Variants in CYP39A1 observed in about 807,000 individuals in gnomAD.
The protein encoded by CYP39A1 is cytochrome P450 family 39 subfamily A member 1, also known as 24-hydroxycholesterol 7-alpha-hydroxylase.
Under a neutral mutation model 58.1 loss-of-function variants are expected in CYP39A1, and 49 were observed. The ratio of observed to expected loss-of-function variants is 0.84; its 90% CI spans 0.67 to 1.07. The LOEUF (loss-of-function observed/expected upper bound fraction) is 1.07. Among genes scored for constraint, CYP39A1 ranks in the 50% least tolerant of loss-of-function variants. CYP39A1 has a pLI of 0.00. For synonymous variants in CYP39A1, 209 were observed against 187.6 expected (o/e 1.11, Z -0.93); for missense variants, 531 against 539.4 (o/e 0.98, Z 0.16).
intron 7 of CYP39A1, among the ~76,000 whole-genome samples, chr6:46,613,261 G>A (rs1313618858): frequency 1.3e-5 from 2 of 152,164 alleles, no homozygotes. Flanking sequence ...CCATCCCACA[G>A]TGTTGGTATA....
intron 10 of CYP39A1, among the ~76,000 whole-genome samples, chr6:46,557,933 C>CAAAAAAAAAAAAAAAAAAAAAAAAAA (rs1186594398): frequency 2.7e-5 from 1 of 37,642 alleles, no homozygotes; most frequent in African/African-American, 9.9e-5. Flanking sequence ...GACTCCATCT[C>CAAAAAAAAAAAAAAAAAAAAAAAAAA]AAAAAAAAAA....
Position 46,652,579 on chromosome 6 carries a change from C to T in CYP39A1, c.4G>A (p.Glu2Lys), listed in dbSNP as rs372520848. M[E>K]LISPTVIIIL... ...ATAATCACTGTTGGGGAAATTAGTT[C>T]CATGTTTTTGTCCAGCACCTTCCAG... The change falls in exon 1 of 12, where the codon GAA becomes AAA. Residue 2 changes from glutamate (E) to lysine (K), a missense_variant. Physicochemically the swap from Glu to Lys is moderately conservative, Grantham distance 56 (BLOSUM62 1). Coordinates refer to ENST00000275016, the MANE Select transcript of CYP39A1 (RefSeq NM_016593.5). 3.9e-5 allele frequency: 62 copies of T among 1,599,990 alleles called. No individual in the cohort carries two copies. The highest frequency in any genetic ancestry group is 5.3e-5 in the Non-Finnish European group (62 of 1,173,938).
At chr6:46,627,073 T>C (rs139377800) in intron 6 of CYP39A1, among the ~76,000 whole-genome samples, 18 of 152,186 alleles carry the variant, frequency 1.2e-4, no homozygotes, top group Admixed American at 6.5e-4. Context: ...TCTTACACGG[T>C]GGCAGAAGAA....
chr6:46,627,656 G>GAA (rs1377560860), intron 6 of CYP39A1, among the ~76,000 whole-genome samples: 1 of 151,898 alleles, frequency 6.6e-6, no homozygotes, highest in Non-Finnish European at 1.5e-5. Context: ...CTGACCTTGT[G>GAA]ATCCGCCCGC....
chr6:46,603,685 C>T (rs1773655067), intron 7 of CYP39A1, among the ~76,000 whole-genome samples: 1 of 152,218 alleles, frequency 6.6e-6, no homozygotes, highest in Admixed American at 6.5e-5. Flanking sequence ...CTGTCTCAGA[C>T]ACTTTTTGGT....
At chr6:46,635,429 A>G (rs1036323894) in intron 5 of CYP39A1, among the ~76,000 whole-genome samples, 2 of 152,208 alleles carry the variant, frequency 1.3e-5, no homozygotes, top group Non-Finnish European at 2.9e-5. Context: ...GGCCTCAGAC[A>G]GTTTTCAAAA....
At chr6:46,609,150 C>T (rs1293911728) in intron 7 of CYP39A1, among the ~76,000 whole-genome samples, 1 of 151,560 alleles carries the variant, frequency 6.6e-6, no homozygotes, top group Non-Finnish European at 1.5e-5. Context: ...GCCTGTAATC[C>T]CAGCACTTCG....
At chr6:46,637,703 G>C in intron 4 of CYP39A1, 126 bp downstream of exon 4, 1 of 937,810 alleles carries the variant, frequency 1.1e-6, no homozygotes, top group African/African-American at 1.7e-5. Flanking sequence ...AAAACAAACA[G>C]GTCATAAGAA....
intron 11 of CYP39A1, among the ~76,000 whole-genome samples, chr6:46,552,158 T>C (rs748184164): frequency 2.3e-4 from 35 of 152,216 alleles, no homozygotes; most frequent in Non-Finnish European, 4.6e-4. Flanking sequence ...CCTTTTCACC[T>C]GAAAAGGCAT....
chr6:46,600,475 TA>T (rs763063253), intron 7 of CYP39A1, among the ~76,000 whole-genome samples: 2 of 152,018 alleles, frequency 1.3e-5, no homozygotes, highest in East Asian at 3.9e-4. Flanking sequence ...TCTTGGAAAT[TA>T]GGGGCTAGTT....
At chr6:46,642,377 T>C in intron 1 of CYP39A1, 79 bp from the exon 2 acceptor site, 1 of 1,387,318 alleles carries the variant, frequency 7.2e-7, no homozygotes, top group Non-Finnish European at 9.8e-7. Context: ...AGAATCCTAA[T>C]GCTGAAGTTA....
In CYP39A1 at chr6:46,553,865, C is replaced by T. The variant is rs699939; in HGVS notation, c.1251-11G>A. Reference sequence around the variant, plus strand: ...AACAGAGCAAACCACCTGGAAGAAACGAATAAAATTGTTACTTGATTGTGA... The same window carrying T: ...AACAGAGCAAACCACCTGGAAGAAATGAATAAAATTGTTACTTGATTGTGA... On this transcript the variant is annotated splice_polypyrimidine_tract_variant and intron_variant, in intron 10 of 11. Transcript: ENST00000275016. 59 of 1,541,238 alleles carry T rather than the reference C, an allele frequency of 3.8e-5. No individual in the cohort carries two copies. Among genetic ancestry groups the T allele is most frequent in the Admixed American group, 1.1e-4 (6 of 53,676 alleles).
intron 10 of CYP39A1, among the ~76,000 whole-genome samples, chr6:46,556,141 T>G (rs1157292955): frequency 6.6e-6 from 1 of 152,208 alleles, no homozygotes; most frequent in Non-Finnish European, 1.5e-5. Context: ...TGGTGTTATC[T>G]TCCTGCCTTA....
rs114301865 is a variant in CYP39A1 at position 46,562,754 on chromosome 6, C to T, written c.1251-8900G>A. Among the ~76,000 whole-genome samples the T allele has an allele frequency of 7.3e-3, 1,111 of 151,460 alleles. 9 individuals carry two copies. Among genetic ancestry groups the T allele is most frequent in the African/African-American group, 0.025 (1,051 of 41,318 alleles). On this transcript the variant is annotated intron_variant, in intron 10 of 11. Transcript: ENST00000275016. Reference sequence around the variant, plus strand: ...AAAAAAGATTAGAAATAATATTTACCAATGTATTAAAACAATTTTCTGTTA... The same window carrying T: ...AAAAAAGATTAGAAATAATATTTACTAATGTATTAAAACAATTTTCTGTTA...
intron 7 of CYP39A1, among the ~76,000 whole-genome samples, chr6:46,616,189 TCTTTCCCTCCCTCCCTCCC>T (rs1774568578): frequency 9.8e-5 from 1 of 10,214 alleles, no homozygotes; most frequent in Non-Finnish European, 1.9e-4. Flanking sequence ...CTTTCTTTCT[TCTTTCCCTCCCTCCCTCCC>T]TCCCTCCCTC....
At chr6:46,650,632 G>A (rs1241084348) in intron 1 of CYP39A1, among the ~76,000 whole-genome samples, 1 of 151,258 alleles carries the variant, frequency 6.6e-6, no homozygotes, top group Non-Finnish European at 1.5e-5. Flanking sequence ...GCCTCTCGAG[G>A]AGCTGGGACT....
intron 10 of CYP39A1, among the ~76,000 whole-genome samples, chr6:46,570,147 T>C (rs1346194004): frequency 1.3e-5 from 2 of 152,142 alleles, no homozygotes; most frequent in Non-Finnish European, 2.9e-5. Context: ...TTTATTTAAA[T>C]GCACATAGTA....
chr6:46,633,605 T>A (rs535317917), intron 5 of CYP39A1, among the ~76,000 whole-genome samples: 1 of 152,288 alleles, frequency 6.6e-6, no homozygotes, highest in East Asian at 1.9e-4. Context: ...ACGCCTGTAA[T>A]CCCAGCAGTT....
intron 2 of CYP39A1, among the ~76,000 whole-genome samples, chr6:46,641,012 G>A (rs562060845): frequency 5.3e-5 from 8 of 151,662 alleles, no homozygotes; most frequent in African/African-American, 1.7e-4. Context: ...TGTATAGTAT[G>A]CTACTATACA....
Sources: allele counts gnomAD v4.1 joint callset (sites outside exome capture counted in the v4.1 genomes callset), GRCh38; gene constraint gnomAD v4.1.1; transcripts MANE v1.5; gene names NCBI Gene and HGNC (gene_info 2026-07-23, HGNC 2026-07-21).